Variants in FBXL20 observed in about 807,000 individuals in gnomAD.
FBXL20 encodes F-box and leucine rich repeat protein 20, also known as F-box/LRR-repeat protein 20.
Under a neutral mutation model 64.0 loss-of-function variants are expected in FBXL20, and 11 were observed. The observed-to-expected ratio is 0.17, with a 90% confidence interval of 0.11 to 0.28. The LOEUF is 0.28. FBXL20 is among the 10% of genes least tolerant of loss of function. FBXL20 has a pLI of 1.00. For missense variants in FBXL20, 303 were observed against 526.2 expected (o/e 0.58, Z 4.15); for synonymous variants, 184 against 189.0 (o/e 0.97, Z 0.22).
intron 1 of FBXL20, among the ~76,000 whole-genome samples, chr17:39,383,213 T>C (rs984844793): frequency 2.0e-5 from 3 of 149,278 alleles, no homozygotes; most frequent in African/African-American, 7.4e-5. Flanking sequence ...TGGAATACTA[T>C]GTAACAATTA....
intron 1 of FBXL20, among the ~76,000 whole-genome samples, chr17:39,382,366 C>T (rs900486684): frequency 2.0e-5 from 3 of 149,850 alleles, no homozygotes; most frequent in African/African-American, 7.4e-5. Flanking sequence ...TGGCGTGAAC[C>T]CAGGAGGTGG....
intron 1 of FBXL20, among the ~76,000 whole-genome samples, chr17:39,399,643 C>T (rs2048221718): frequency 6.6e-6 from 1 of 152,126 alleles, no homozygotes; most frequent in Non-Finnish European, 1.5e-5. Flanking sequence ...TTTACCTTCT[C>T]AGATCATATT....
chr17:39,344,267 C>T (rs559965404), intron 1 of FBXL20, among the ~76,000 whole-genome samples: 42 of 151,820 alleles, frequency 2.8e-4, no homozygotes, highest in African/African-American at 1.0e-3. Flanking sequence ...GGGAGGACTG[C>T]CTCAGTCAGG....
intron 1 of FBXL20, among the ~76,000 whole-genome samples, chr17:39,359,791 C>G (rs904948742): frequency 6.6e-6 from 1 of 152,096 alleles, no homozygotes; most frequent in African/African-American, 2.4e-5. Flanking sequence ...ATTCTTATTC[C>G]TATTTCTTCA....
chr17:39,268,767 G>A lies in FBXL20; in HGVS notation c.933+60C>T, dbSNP rs183815097. On this transcript the variant is annotated intron_variant, in intron 12 of 14. Transcript: ENST00000264658. ...AGGGTAGGGAATTGCACATTCTGATGTTGTGTATTATCTAAGTGTCTACTA... is the reference window on the plus strand; with the variant it reads ...AGGGTAGGGAATTGCACATTCTGATATTGTGTATTATCTAAGTGTCTACTA... The A allele has an allele frequency of 3.3e-4, 463 of 1,416,362 alleles. No homozygotes were observed. In the African/African-American group the frequency reaches 5.9e-3, roughly 18 times the overall value. 87.7% of individuals were successfully genotyped at this position (1,416,362 alleles called of 1,614,324 possible). A position where few individuals can be genotyped will look rare whatever the true frequency, so the allele number is the denominator to read the frequency against.
intron 9 of FBXL20, among the ~76,000 whole-genome samples, chr17:39,279,407 A>C (rs1220145878): frequency 2.0e-5 from 3 of 151,714 alleles, no homozygotes; most frequent in Non-Finnish European, 4.4e-5. Flanking sequence ...GCTGAGGTGG[A>C]AGGATTGCTT....
chr17:39,327,984 A>G (rs919799590), intron 2 of FBXL20, among the ~76,000 whole-genome samples: 5 of 152,192 alleles, frequency 3.3e-5, no homozygotes, highest in African/African-American at 1.2e-4. Context: ...AAAGTGGCTC[A>G]TGCCTGTAAT....
intron 9 of FBXL20, among the ~76,000 whole-genome samples, chr17:39,277,813 C>G (rs1222409803): frequency 6.8e-5 from 10 of 147,042 alleles, no homozygotes; most frequent in Admixed American, 6.8e-4. Flanking sequence ...TCAAATCTGT[C>G]AAGAAAATGA....
chr17:39,361,173 A>G (rs1011189549), intron 1 of FBXL20, among the ~76,000 whole-genome samples: 5 of 152,096 alleles, frequency 3.3e-5, no homozygotes, highest in Admixed American at 6.6e-5. Context: ...GAATTAGACC[A>G]TAATGAAACC....
chr17:39,269,871 C>T (rs2046827951), intron 11 of FBXL20, among the ~76,000 whole-genome samples: 1 of 152,198 alleles, frequency 6.6e-6, no homozygotes, highest in Non-Finnish European at 1.5e-5. Context: ...TTTCCTTGGC[C>T]TTCCAAAATG....
At chr17:39,395,351 G>C (rs1000982561) in intron 1 of FBXL20, among the ~76,000 whole-genome samples, 5 of 152,210 alleles carry the variant, frequency 3.3e-5, no homozygotes, top group Non-Finnish European at 7.3e-5. Flanking sequence ...TTGAACCTGG[G>C]AGGTGGAGAC....
chr17:39,375,685 AT>A (rs1361873908), intron 1 of FBXL20, among the ~76,000 whole-genome samples: 2 of 152,146 alleles, frequency 1.3e-5, no homozygotes, highest in African/African-American at 2.4e-5. Flanking sequence ...GAAAAATCAA[AT>A]TTTTTTACTT....
chr17:39,366,828 T>G (rs2144626558), intron 1 of FBXL20, among the ~76,000 whole-genome samples: 1 of 152,202 alleles, frequency 6.6e-6, no homozygotes, highest in East Asian at 1.9e-4. Flanking sequence ...TATCCTCAGT[T>G]TACCAAAATT....
In FBXL20 at chr17:39,275,097, T is replaced by C. The variant is rs764768974; in HGVS notation, c.700A>G (p.Ile234Val). ...ATAGTAATGAGACCTTCATCTGTGA[T>C]TTGCTAAAAAACAAGAGCAAAAAAA... ...VTLNLQTCLQITDEGLITICR... is the reference protein window; with the variant it reads ...VTLNLQTCLQVTDEGLITICR... Residue 234 changes from isoleucine (I) to valine (V), a missense_variant, in exon 10 of 15, where the codon ATC (isoleucine) becomes GTC (valine). Around this residue, in one of 3 missense-constraint regions of FBXL20, gnomAD observed 246 missense variants for 422.6 expected, o/e 0.58. Transcript: ENST00000264658. The C allele has an allele frequency of 6.2e-7, 1 of 1,602,358 alleles. No individual in the cohort carries two copies. Among genetic ancestry groups the C allele is most frequent in the African/African-American group, 1.3e-5 (1 of 74,510 alleles).
intron 1 of FBXL20, among the ~76,000 whole-genome samples, chr17:39,383,306 C>T (rs1280249210): frequency 1.3e-5 from 2 of 151,928 alleles, no homozygotes; most frequent in Middle Eastern, 3.2e-3. Context: ...TGTAAACACA[C>T]ATACACAGAC....
chr17:39,300,444 C>T (rs1049632548), intron 4 of FBXL20, among the ~76,000 whole-genome samples: 3 of 152,102 alleles, frequency 2.0e-5, no homozygotes, highest in African/African-American at 7.2e-5. Flanking sequence ...TAAGTGTAAG[C>T]CATTCTCCAT....
At chr17:39,304,108 C>A (rs1473775515) in intron 2 of FBXL20, among the ~76,000 whole-genome samples, 1 of 152,018 alleles carries the variant, frequency 6.6e-6, no homozygotes, top group East Asian at 1.9e-4. Context: ...GATAATACTG[C>A]CCATATAAAA....
At chr17:39,389,261 TAAAGA>T (rs1052097805) in intron 1 of FBXL20, among the ~76,000 whole-genome samples, 4 of 152,166 alleles carry the variant, frequency 2.6e-5, no homozygotes, top group Non-Finnish European at 4.4e-5. Context: ...GTTATAGTAT[TAAAGA>T]AAAGTTTTAA....
At chr17:39,400,754 T>C (rs951235874) in intron 1 of FBXL20, among the ~76,000 whole-genome samples, 1 of 152,122 alleles carries the variant, frequency 6.6e-6, no homozygotes, top group Non-Finnish European at 1.5e-5. Context: ...TCAAAGCATG[T>C]AGACATCCAA....
Sources: allele counts gnomAD v4.1 joint callset (sites outside exome capture counted in the v4.1 genomes callset), GRCh38; gene constraint gnomAD v4.1.1; regional missense constraint gnomAD v4.1.1; transcripts MANE v1.5; gene names NCBI Gene and HGNC (gene_info 2026-07-23, HGNC 2026-07-21).